The following BACE2 variants were observed in gnomAD, a reference collection of about 807,000 sequenced individuals.
BACE2 encodes the protein beta-secretase 2.
A neutral mutation model predicts 46.2 loss-of-function variants in BACE2; 17 were observed. The ratio of observed to expected loss-of-function variants is 0.37; its 90% confidence interval spans 0.25 to 0.55. The LOEUF (loss-of-function observed/expected upper bound fraction) is 0.55, where lower values mean the gene tolerates loss of function less well. Ranked by LOEUF, BACE2 falls within the 20% of genes least tolerant of loss-of-function variation. The pLI is 0.82. For missense variants in BACE2, 595 were observed against 698.1 expected (o/e 0.85, Z 1.66); for synonymous variants, 277 against 295.9 (o/e 0.94, Z 0.66).
At chr21:41,201,356 G>A (rs1985962873) in intron 1 of BACE2, among the ~76,000 whole-genome samples, 1 of 152,238 alleles carries the variant, frequency 6.6e-6, no homozygotes, top group African/African-American at 2.4e-5. Flanking sequence ...CATCCCACTT[G>A]GGGCAAAGTC....
chr21:41,202,367 C>G (rs1206058827), intron 1 of BACE2, among the ~76,000 whole-genome samples: 1 of 152,220 alleles, frequency 6.6e-6, no homozygotes, highest in African/African-American at 2.4e-5. Flanking sequence ...CACCTCCACC[C>G]CAGAGGGATG....
intron 6 of BACE2, among the ~76,000 whole-genome samples, chr21:41,247,955 T>C (rs1394949676): frequency 6.6e-6 from 1 of 152,118 alleles, no homozygotes; most frequent in Non-Finnish European, 1.5e-5. Context: ...GGTTTCCTTC[T>C]GGTTAAGGGG....
intron 1 of BACE2, among the ~76,000 whole-genome samples, chr21:41,218,442 G>A (rs1843774762): frequency 6.6e-6 from 1 of 152,184 alleles, no homozygotes; most frequent in Admixed American, 6.5e-5. Context: ...GTCCAACTTT[G>A]GGTGGGGCCC....
At chr21:41,227,327 A>C (rs1436800781) in intron 2 of BACE2, among the ~76,000 whole-genome samples, 2 of 152,168 alleles carry the variant, frequency 1.3e-5, no homozygotes, top group African/African-American at 4.8e-5. Flanking sequence ...AGGTTTCCCT[A>C]CTGTAAATTC....
intron 1 of BACE2, among the ~76,000 whole-genome samples, chr21:41,215,454 C>G (rs1249181555): frequency 6.6e-6 from 1 of 152,222 alleles, no homozygotes; most frequent in East Asian, 1.9e-4. Flanking sequence ...CCCCATGCCC[C>G]AGGTTCAGCA....
chr21:41,259,812 CT>C (rs199520090), intron 8 of BACE2, among the ~76,000 whole-genome samples: 1,771 of 151,590 alleles, frequency 0.012, 26 homozygotes, highest in African/African-American at 0.037. Flanking sequence ...CTTTTGTTTT[CT>C]TTTTTTTCTT....
intron 7 of BACE2, among the ~76,000 whole-genome samples, chr21:41,253,441 C>CAA (rs58206534): frequency 0.033 from 3,749 of 113,090 alleles, 84 homozygotes; most frequent in African/African-American, 0.046. Context: ...GACTCCATCT[C>CAA]AAAAAAAAAA....
At position 41,212,249 on chromosome 21, in the gene BACE2, C is replaced by T. The variant is rs145402323; in HGVS notation, c.313-14017C>T. Among the ~76,000 whole-genome samples, 254 of 152,302 alleles carry T rather than the reference C, an allele frequency of 1.7e-3. 1 individual carries two copies. The highest frequency in any genetic ancestry group is 5.9e-3 in the African/African-American group (246 of 41,558). The stretch of plus-strand genomic sequence containing the variant: ...AGAGTCAGTGCCTTCTCTCTGTCTC[C>T]TTACATGGCAAAAGGGATGAGCGAG... On this transcript the variant is annotated intron_variant, in intron 1 of 8. Transcript: ENST00000330333.
intron 2 of BACE2, among the ~76,000 whole-genome samples, chr21:41,228,025 A>T (rs1333040575): frequency 6.6e-6 from 1 of 152,094 alleles, no homozygotes; most frequent in Non-Finnish European, 1.5e-5. Context: ...GAGACAGGGG[A>T]CTTGCCCAAG....
At chr21:41,224,910 G>A (rs12329755) in intron 1 of BACE2, among the ~76,000 whole-genome samples, 2 of 152,046 alleles carry the variant, frequency 1.3e-5, no homozygotes. Context: ...CATAGCAGAC[G>A]TGTTCAGCAA....
intron 1 of BACE2, chr21:41,179,471 G>A: frequency 9.1e-6 from 12 of 1,313,684 alleles, no homozygotes; most frequent in Non-Finnish European, 1.2e-5. Context: ...CCAGGGTGCA[G>A]AGTGAGGTGT....
Position 41,176,313 on chromosome 21 carries a change from C to T in BACE2, c.312+7738C>T, listed in dbSNP as rs557372463. 2.0e-5 allele frequency: 3 copies of T among 152,294 alleles called. No homozygotes were observed. The East Asian group carries it at 5.8e-4, about 29-fold the overall frequency. The allele number at this position is 152,294 out of a possible 1,614,324, so 9.4% of individuals were successfully genotyped here. ...CCAGCTCACAGGTCACACTTGGAGT[C>T]GTTGCTTCTTTCCCCAAACCAGCTG... On this transcript the variant is annotated intron_variant, in intron 1 of 8. Coordinates refer to ENST00000330333, the MANE Select transcript of BACE2 (RefSeq NM_012105.5).
intron 1 of BACE2, among the ~76,000 whole-genome samples, chr21:41,185,544 T>C (rs1199500372): frequency 6.6e-6 from 1 of 152,206 alleles, no homozygotes; most frequent in African/African-American, 2.4e-5. Context: ...AGCTTGCAAT[T>C]GGCTATTAGG....
At chr21:41,268,084 G>A (rs186461262) in intron 8 of BACE2, among the ~76,000 whole-genome samples, 2 of 152,312 alleles carry the variant, frequency 1.3e-5, no homozygotes, top group Non-Finnish European at 1.5e-5. Context: ...AAAAGTAACA[G>A]TTTAGTAACA....
intron 1 of BACE2, among the ~76,000 whole-genome samples, chr21:41,173,780 G>A (rs1984690354): frequency 6.6e-6 from 1 of 152,110 alleles, no homozygotes; most frequent in Admixed American, 6.6e-5. Context: ...ATGTCATGTT[G>A]CACTAATTCT....
intron 1 of BACE2, among the ~76,000 whole-genome samples, chr21:41,204,984 A>G (rs1021635576): frequency 2.0e-5 from 3 of 152,176 alleles, no homozygotes; most frequent in African/African-American, 4.8e-5. Context: ...TCAAAGCCTT[A>G]TATGAGCCAC....
intron 1 of BACE2, among the ~76,000 whole-genome samples, chr21:41,213,223 A>G (rs1046173531): frequency 6.6e-6 from 1 of 152,208 alleles, no homozygotes; most frequent in Non-Finnish European, 1.5e-5. Context: ...ACCGGGAAAC[A>G]TTAGAGGACA....
rs755173694 is a variant in BACE2 at position 41,241,951 on chromosome 21, G to C, written c.747+4G>C. Reference sequence around the variant, plus strand: ...TGGGACCAACGGAGGTAGTCTTGTGGGTATCTTTTAGTCTTAAAGGGGCGA... The same window carrying C: ...TGGGACCAACGGAGGTAGTCTTGTGCGTATCTTTTAGTCTTAAAGGGGCGA... On this transcript the variant is annotated splice_donor_region_variant and intron_variant, in intron 4 of 8. Coordinates refer to ENST00000330333, the MANE Select transcript of BACE2 (RefSeq NM_012105.5). The C allele has an allele frequency of 1.2e-6, 2 of 1,613,992 alleles. No individual in the cohort carries two copies. The highest frequency in any genetic ancestry group is 2.2e-5 in the East Asian group (1 of 44,872).
rs1984451975 is a variant in BACE2, at chr21:41,168,253, C to G, written c.-11C>G. On this transcript the variant is annotated 5_prime_UTR_variant, in exon 1 of 9. Transcript: ENST00000330333. ...CTAGGCTGGGCGCGCCCCCCGGGCC[C>G]CGCCGTGGGCATGGGCGCACTGGCC... The G allele has an allele frequency of 8.6e-7, 1 of 1,166,032 alleles. No homozygotes were observed. The highest frequency in any genetic ancestry group is 4.0e-5 in the East Asian group (1 of 25,154). 72.2% of individuals were successfully genotyped at this position (1,166,032 alleles called of 1,614,324 possible).
Sources: gnomAD v4.1 joint callset for allele counts (sites outside exome capture counted in the v4.1 genomes callset) on GRCh38, gnomAD v4.1.1 for gene constraint, MANE v1.5 for transcripts, NCBI Gene and HGNC (gene_info 2026-07-23, HGNC 2026-07-21) for gene names.